STAM2: variants seen among roughly 807,000 people sequenced by gnomAD.
STAM2 encodes the protein signal transducing adaptor molecule 2, also known as signal transducing adapter molecule 2.
STAM2 carries 51 observed loss-of-function variants against 65.6 expected under a neutral mutation model. That is an observed-to-expected ratio of 0.78 (90% CI 0.62 to 0.98). The LOEUF (loss-of-function observed/expected upper bound fraction) is 0.98. Ranked by LOEUF, STAM2 falls within the 50% of genes least tolerant of loss-of-function variation. STAM2 has a pLI of 0.00. For missense variants in STAM2, 584 were observed against 617.8 expected (o/e 0.95, Z 0.58); for synonymous variants, 198 against 208.4 (o/e 0.95, Z 0.43).
intron 1 of STAM2, among the ~76,000 whole-genome samples, chr2:152,162,426 A>T (rs1489152953): frequency 1.3e-5 from 2 of 151,916 alleles, no homozygotes; most frequent in Non-Finnish European, 2.9e-5. Flanking sequence ...AAAAAAATTG[A>T]AATAGTAGTC....
intron 1 of STAM2, among the ~76,000 whole-genome samples, chr2:152,171,345 C>A (rs2105572303): frequency 6.6e-6 from 1 of 151,986 alleles, no homozygotes; most frequent in Middle Eastern, 3.4e-3. Flanking sequence ...TAAAAAGCTA[C>A]AAAATATATT....
chr2:152,134,022 T>C (rs536017893), intron 8 of STAM2, among the ~76,000 whole-genome samples: 1 of 152,044 alleles, frequency 6.6e-6, no homozygotes, highest in African/African-American at 2.4e-5. Flanking sequence ...AAAACAACAC[T>C]AAACACAAAA....
At chr2:152,170,142 C>G (rs532540510) in intron 1 of STAM2, among the ~76,000 whole-genome samples, 4 of 151,632 alleles carry the variant, frequency 2.6e-5, no homozygotes, top group Non-Finnish European at 4.4e-5. Context: ...AGGCCAAGAG[C>G]TACACTTCTA....
chr2:152,130,305 G>A (rs1224728906), intron 11 of STAM2, among the ~76,000 whole-genome samples: 1 of 152,030 alleles, frequency 6.6e-6, no homozygotes, highest in Non-Finnish European at 1.5e-5. Flanking sequence ...AGGCTGGAGT[G>A]CAGTGGCGAG....
chr2:152,157,799 C>A (rs1396603258), intron 1 of STAM2, among the ~76,000 whole-genome samples: 2 of 152,152 alleles, frequency 1.3e-5, no homozygotes, highest in African/African-American at 4.8e-5. Flanking sequence ...GAATTTAGTT[C>A]AAAACCAAAA....
intron 2 of STAM2, 123 bp from the exon 3 acceptor site, chr2:152,148,423 A>G (rs1689377141): frequency 5.1e-6 from 4 of 788,936 alleles, no homozygotes; most frequent in Non-Finnish European, 7.7e-6. Context: ...TAATTCCAAC[A>G]CTTCGGGAAG....
intron 1 of STAM2, among the ~76,000 whole-genome samples, chr2:152,168,416 C>T (rs1689835054): frequency 6.6e-6 from 1 of 152,124 alleles, no homozygotes; most frequent in African/African-American, 2.4e-5. Flanking sequence ...CCTCGACCTC[C>T]CAAAGTGCTG....
In STAM2 at chr2:152,120,413, A is replaced by C. The variant is rs946364230; in HGVS notation, c.*161T>G. 6.5e-5 allele frequency: 37 copies of C among 571,668 alleles called. No individual in the cohort carries two copies. Among genetic ancestry groups the C allele is most frequent in the African/African-American group, 3.2e-4 (17 of 53,070 alleles). 35.4% of individuals were successfully genotyped at this position (571,668 alleles called of 1,614,324 possible). The stretch of plus-strand genomic sequence containing the variant: ...CTGGACTGAAAAAAAAAAAAAAAAA[A>C]AACCTTTTATGGCCTTGTAGAATAA... On this transcript the variant is annotated 3_prime_UTR_variant, in exon 14 of 14. Coordinates refer to ENST00000263904, the MANE Select transcript of STAM2 (RefSeq NM_005843.6).
chr2:152,150,825 T>A (rs567071453), intron 1 of STAM2, among the ~76,000 whole-genome samples: 1 of 152,206 alleles, frequency 6.6e-6, no homozygotes, highest in East Asian at 1.9e-4. Flanking sequence ...TTAGAAAGTA[T>A]ATCATACAAG....
At chr2:152,150,107 G>A in intron 2 of STAM2, 38 bp downstream of exon 2, 1 of 1,380,782 alleles carries the variant, frequency 7.2e-7, no homozygotes, top group Admixed American at 1.7e-5. Context: ...TGGTTATCAA[G>A]TTCCTAGACA....
chr2:152,165,121 C>T (rs1689752300), intron 1 of STAM2, among the ~76,000 whole-genome samples: 1 of 151,948 alleles, frequency 6.6e-6, no homozygotes, highest in African/African-American at 2.4e-5. Flanking sequence ...TTTCTAGTGG[C>T]TGGGATAAAG....
Position 152,148,098 on chromosome 2 carries a change from A to G in STAM2, c.226T>C (p.Cys76Arg), listed in dbSNP as rs749141934. Reference protein sequence around the residue: ...LTLLGACVANCGKIFHLEVCS... With the variant: ...LTLLGACVANRGKIFHLEVCS... ...ACTTCTAAATGAAATATCTTTCCACAGTTTGCCACACAAGCCCCAAGAAGC... is the reference window on the plus strand; with the variant it reads ...ACTTCTAAATGAAATATCTTTCCACGGTTTGCCACACAAGCCCCAAGAAGC... Residue 76 changes from cysteine to arginine, a missense_variant, in exon 4 of 14, where the codon TGT (cysteine) becomes CGT (arginine). Transcript: ENST00000263904. 16 of 1,610,696 alleles carry G rather than the reference A, an allele frequency of 9.9e-6. No individual in the cohort carries two copies. The highest frequency in any genetic ancestry group is 1.1e-5 in the South Asian group (1 of 90,060).
intron 1 of STAM2, among the ~76,000 whole-genome samples, chr2:152,160,825 G>A (rs1285731685): frequency 7.0e-6 from 1 of 142,826 alleles, no homozygotes; most frequent in Admixed American, 6.9e-5. Flanking sequence ...GGAAGGTGGT[G>A]GGGGGGTCAG....
At chr2:152,123,729 T>G in intron 13 of STAM2, 37 bp downstream of exon 13, 1 of 1,596,732 alleles carries the variant, frequency 6.3e-7, no homozygotes, top group Non-Finnish European at 8.6e-7. Context: ...CTAGGAAAAT[T>G]AACACATATA....
chr2:152,133,701 T>G (rs1260123925), intron 8 of STAM2, among the ~76,000 whole-genome samples: 1 of 152,182 alleles, frequency 6.6e-6, no homozygotes, highest in African/African-American at 2.4e-5. Context: ...CAGGCATTGT[T>G]CTAGGCATTT....
At chr2:152,134,752 T>A (rs1689124574) in intron 8 of STAM2, among the ~76,000 whole-genome samples, 1 of 152,156 alleles carries the variant, frequency 6.6e-6, no homozygotes, top group Non-Finnish European at 1.5e-5. Flanking sequence ...TGAAATGCAA[T>A]AGTACAGATG....
At chr2:152,158,826 C>G (rs1302550273) in intron 1 of STAM2, among the ~76,000 whole-genome samples, 3 of 151,800 alleles carry the variant, frequency 2.0e-5, no homozygotes, top group Non-Finnish European at 4.4e-5. Context: ...GTGAACCCAC[C>G]CCTGTAAGCC....
chr2:152,157,330 T>A (rs1421225259), intron 1 of STAM2, among the ~76,000 whole-genome samples: 61 of 152,230 alleles, frequency 4.0e-4, no homozygotes, highest in Non-Finnish European at 5.9e-5. Context: ...AATGTTTGTG[T>A]TCCTCCCAAA....
rs548719800 is a variant in STAM2, at chr2:152,175,584, G to T, written c.40+19C>A. ...CAGGGCCAGGCACACAGCAGTCCAGGACCGGGCACAGCACTCACCCACGTC... is the reference window on the plus strand; with the variant it reads ...CAGGGCCAGGCACACAGCAGTCCAGTACCGGGCACAGCACTCACCCACGTC... On this transcript the variant is annotated intron_variant, in intron 1 of 13. Coordinates refer to ENST00000263904, the MANE Select transcript of STAM2 (RefSeq NM_005843.6). 3.4e-5 allele frequency: 55 copies of T among 1,613,904 alleles called. 1 individual carries two copies. The South Asian group carries it at 4.4e-4, about 13-fold the overall frequency.
Sources: gnomAD v4.1 joint callset for allele counts (sites outside exome capture counted in the v4.1 genomes callset) on GRCh38, gnomAD v4.1.1 for gene constraint, MANE v1.5 for transcripts, NCBI Gene and HGNC (gene_info 2026-07-23, HGNC 2026-07-21) for gene names.